Variants in CNTN4 observed in about 807,000 individuals in gnomAD.
CNTN4 encodes the protein contactin 4, also known as contactin-4.
CNTN4 carries 77 observed loss-of-function variants against 122.5 expected under a neutral mutation model. That is an observed-to-expected ratio of 0.63 (90% CI 0.52 to 0.76). The LOEUF (loss-of-function observed/expected upper bound fraction) is 0.76, where lower values mean the gene tolerates loss of function less well. CNTN4 is among the 30% of genes least tolerant of loss of function. The pLI, the probability that CNTN4 is intolerant of heterozygous loss-of-function variation, is 0.00. For missense variants in CNTN4, 1,256 were observed against 1,259.1 expected (o/e 1.00, Z 0.04); for synonymous variants, 512 against 447.0 (o/e 1.15, Z -1.83).
At chr3:2,906,964 C>T (rs1285356344) in intron 12 of CNTN4, among the ~76,000 whole-genome samples, 1 of 152,070 alleles carries the variant, frequency 6.6e-6, no homozygotes, top group African/African-American at 2.4e-5. Context: ...CCCATTTTCC[C>T]TTCCAAAAAT....
intron 2 of CNTN4, among the ~76,000 whole-genome samples, chr3:2,127,208 C>A (rs1258108496): frequency 1.3e-5 from 2 of 152,118 alleles, no homozygotes; most frequent in African/African-American, 4.8e-5. Context: ...ATCAGCTGCC[C>A]TTTGTCGGGT....
intron 4 of CNTN4, among the ~76,000 whole-genome samples, chr3:2,631,863 T>TAAAAAA (rs1343866889): frequency 2.4e-5 from 2 of 84,612 alleles, no homozygotes; most frequent in Non-Finnish European, 4.4e-5. Context: ...ACCGTATCTC[T>TAAAAAA]ACAAAAAAAA....
chr3:2,969,051 T>C (rs1022272104), intron 13 of CNTN4, among the ~76,000 whole-genome samples: 2 of 152,224 alleles, frequency 1.3e-5, no homozygotes, highest in African/African-American at 4.8e-5. Context: ...TGTACTAAGT[T>C]TTGCAACTAT....
intron 2 of CNTN4, among the ~76,000 whole-genome samples, chr3:2,174,424 G>T (rs1017835951): frequency 2.0e-5 from 3 of 152,048 alleles, no homozygotes; most frequent in African/African-American, 7.2e-5. Context: ...CCAAATCAAG[G>T]AGCTGGCAAA....
At chr3:2,898,675 C>CT (rs2094140824) in intron 10 of CNTN4, among the ~76,000 whole-genome samples, 1 of 152,118 alleles carries the variant, frequency 6.6e-6, no homozygotes. Flanking sequence ...TTGATGTTTC[C>CT]TTTTTGAACT....
intron 3 of CNTN4, among the ~76,000 whole-genome samples, chr3:2,524,178 C>G (rs1252058787): frequency 6.6e-6 from 1 of 152,046 alleles, no homozygotes; most frequent in African/African-American, 2.4e-5. Context: ...CCTAGACCAA[C>G]AATAATCTCT....
chr3:2,578,523 AACAGAG>A (rs1409136440), intron 4 of CNTN4, among the ~76,000 whole-genome samples: 2 of 152,194 alleles, frequency 1.3e-5, no homozygotes, highest in Non-Finnish European at 2.9e-5. Flanking sequence ...CCCCAGAATA[AACAGAG>A]ACACAGGCAA....
At chr3:2,987,180 G>A (rs1176803302) in intron 13 of CNTN4, among the ~76,000 whole-genome samples, 1 of 152,200 alleles carries the variant, frequency 6.6e-6, no homozygotes, top group Non-Finnish European at 1.5e-5. Context: ...TCTGGAATAT[G>A]CAGAAGGCCA....
chr3:2,365,597 C>T (rs574035124), intron 3 of CNTN4, among the ~76,000 whole-genome samples: 4 of 152,174 alleles, frequency 2.6e-5, no homozygotes, highest in East Asian at 3.9e-4. Context: ...TTCTATCTTA[C>T]GTTCTGCTGG....
At chr3:2,723,909 C>A (rs1248969789) in intron 4 of CNTN4, among the ~76,000 whole-genome samples, 2 of 152,168 alleles carry the variant, frequency 1.3e-5, no homozygotes, top group African/African-American at 4.8e-5. Flanking sequence ...GGCCTGTCTC[C>A]AGGCCTCTCT....
At chr3:2,518,638 TA>T (rs529335232) in intron 3 of CNTN4, among the ~76,000 whole-genome samples, 1 of 152,246 alleles carries the variant, frequency 6.6e-6, no homozygotes, top group South Asian at 2.1e-4. Context: ...ATGTTAAAGA[TA>T]AAAAATATAT....
At chr3:2,127,701 G>C (rs1372849976) in intron 2 of CNTN4, among the ~76,000 whole-genome samples, 2 of 152,096 alleles carry the variant, frequency 1.3e-5, no homozygotes, top group Non-Finnish European at 2.9e-5. Flanking sequence ...CAATTTAGCT[G>C]CTCAGTACCA....
chr3:2,252,864 A>G (rs920344742), intron 2 of CNTN4, among the ~76,000 whole-genome samples: 9 of 152,110 alleles, frequency 5.9e-5, no homozygotes, highest in Non-Finnish European at 1.2e-4. Flanking sequence ...AAATTGTTTA[A>G]TACTTCTTTG....
intron 2 of CNTN4, among the ~76,000 whole-genome samples, chr3:2,243,580 T>C (rs2149627893): frequency 6.6e-6 from 1 of 152,168 alleles, no homozygotes; most frequent in African/African-American, 2.4e-5. Flanking sequence ...CAACTCTTCT[T>C]CCCATGTGGC....
At position 2,626,864 on chromosome 3, in the gene CNTN4, C is replaced by T. The variant is rs531897931; in HGVS notation, c.55+55306C>T. Among the ~76,000 whole-genome samples, 17 of 152,344 alleles carry T rather than the reference C, an allele frequency of 1.1e-4. No individual in the cohort carries two copies. In the East Asian group the frequency reaches 3.3e-3, roughly 29 times the overall value. On this transcript the variant is annotated intron_variant, in intron 4 of 24. Transcript: ENST00000418658. The stretch of plus-strand genomic sequence containing the variant: ...GAGGAAGCAAGCGTCTAGGCCTCCA[C>T]ATCTGGATAGCCATTCTCACATTTA...
chr3:2,621,416 C>T (rs2149930904), intron 4 of CNTN4, among the ~76,000 whole-genome samples: 1 of 152,146 alleles, frequency 6.6e-6, no homozygotes, highest in Non-Finnish European at 1.5e-5. Flanking sequence ...CACATGTTCT[C>T]ACTCATAAGT....
At chr3:2,601,082 T>C (rs1182430669) in intron 4 of CNTN4, among the ~76,000 whole-genome samples, 1 of 152,186 alleles carries the variant, frequency 6.6e-6, no homozygotes, top group Non-Finnish European at 1.5e-5. Flanking sequence ...TTTGAGTTCT[T>C]TGTAGATTCT....
chr3:2,757,758 G>T lies in CNTN4; in HGVS notation c.358+12061G>T, dbSNP rs562290232. Among the ~76,000 whole-genome samples, 16 of 152,252 alleles carry T rather than the reference G, an allele frequency of 1.1e-4. No homozygotes were observed. The South Asian group carries it at 3.3e-3, about 32-fold the overall frequency. ...AAAAAAGTATGCGTTAGGGTTCAGA[G>T]GTTAAATCTCAAATTCAAGGGCATC... On this transcript the variant is annotated intron_variant, in intron 6 of 24. Coordinates refer to ENST00000418658, the MANE Select transcript of CNTN4 (RefSeq NM_175607.3).
chr3:2,204,279 A>C (rs2038236802), intron 2 of CNTN4, among the ~76,000 whole-genome samples: 1 of 152,186 alleles, frequency 6.6e-6, no homozygotes, highest in Non-Finnish European at 1.5e-5. Context: ...ACATCTTTTT[A>C]ATTATTCCCA....
Sources: gnomAD v4.1 joint callset for allele counts (sites outside exome capture counted in the v4.1 genomes callset) on GRCh38, gnomAD v4.1.1 for gene constraint, MANE v1.5 for transcripts, NCBI Gene and HGNC (gene_info 2026-07-23, HGNC 2026-07-21) for gene names.